Variants in KIAA0513 observed in about 807,000 individuals in gnomAD.
The protein encoded by KIAA0513 is KIAA0513.
In KIAA0513, 39 loss-of-function variants were observed where a neutral mutation model predicts 56.5. That is an observed-to-expected ratio of 0.69 (90% CI 0.53 to 0.90). The LOEUF (loss-of-function observed/expected upper bound fraction) is 0.90, where lower values mean the gene tolerates loss of function less well. Ranked by LOEUF, KIAA0513 falls within the 40% of genes least tolerant of loss-of-function variation. The probability of loss-of-function intolerance (pLI) is 0.00; values close to 1 mark genes in which losing one functional copy is unlikely to be tolerated. For missense variants in KIAA0513, 591 were observed against 535.2 expected (o/e 1.10, Z -1.03); for synonymous variants, 268 against 215.6 (o/e 1.24, Z -2.13).
chr16:85,062,942 G>A (rs967759509), intron 1 of KIAA0513, among the ~76,000 whole-genome samples: 1 of 152,118 alleles, frequency 6.6e-6, no homozygotes, highest in Non-Finnish European at 1.5e-5. Context: ...TGCTTCCCTT[G>A]CCATGACTAC....
In KIAA0513 at chr16:85,071,765, CTT is replaced by C. The variant is rs546709644; in HGVS notation, c.330-4_330-3del. 8.4e-3 allele frequency: 9,839 copies of C among 1,177,096 alleles called. No individual in the cohort carries two copies. The highest frequency in any genetic ancestry group is 8.9e-3 in the Non-Finnish European group (7,707 of 866,298). 72.9% of individuals were successfully genotyped at this position (1,177,096 alleles called of 1,614,324 possible). Reference sequence around the variant, plus strand: ...GGGTTTTTTTTTTTTTTCCTCTGCTCTTTTTTTTTTTTTTTAGGGAGGACTTG... The same window carrying C: ...GGGTTTTTTTTTTTTTTCCTCTGCTCTTTTTTTTTTTTTAGGGAGGACTTG... On this transcript the variant is annotated splice_polypyrimidine_tract_variant and intron_variant, in intron 2 of 12. Transcript: ENST00000683363.
At chr16:85,075,624 G>T (rs1250989933) in intron 4 of KIAA0513, among the ~76,000 whole-genome samples, 7 of 152,182 alleles carry the variant, frequency 4.6e-5, no homozygotes, top group Non-Finnish European at 1.0e-4. Context: ...AAAGAAGCCG[G>T]GCAGGCAGAC....
At chr16:85,046,680 G>A (rs1263651504) in intron 1 of KIAA0513, among the ~76,000 whole-genome samples, 1 of 152,186 alleles carries the variant, frequency 6.6e-6, no homozygotes, top group Non-Finnish European at 1.5e-5. Context: ...GGTTCTCTCC[G>A]TGTTCACTGC....
At chr16:85,072,135 T>G (rs1487279502) in intron 3 of KIAA0513, among the ~76,000 whole-genome samples, 2 of 152,148 alleles carry the variant, frequency 1.3e-5, no homozygotes, top group African/African-American at 2.4e-5. Flanking sequence ...GGAGGATCGC[T>G]TGAGCCCAGG....
At chr16:85,060,086 G>C (rs1391670417) in intron 1 of KIAA0513, among the ~76,000 whole-genome samples, 1 of 152,074 alleles carries the variant, frequency 6.6e-6, no homozygotes, top group Non-Finnish European at 1.5e-5. Context: ...TCAGACTCCC[G>C]AGTAGCTAGG....
In KIAA0513 at chr16:85,033,045, A is replaced by G. The variant is rs1178837916; in HGVS notation, c.-173+5187A>G. 4.6e-5 allele frequency among the ~76,000 whole-genome samples: 7 copies of G among 152,220 alleles called. No homozygotes were observed. The East Asian group carries it at 1.4e-3, about 29-fold the overall frequency. ...CTGAATTCAATCCATAATGCCTTCC[A>G]GCATCAAGATGCAGTGATGTTTTAA... On this transcript the variant is annotated intron_variant, in intron 1 of 12. Coordinates refer to ENST00000683363, the MANE Select transcript of KIAA0513 (RefSeq NM_001388359.1).
At chr16:85,038,674 C>A (rs1392038140) in intron 1 of KIAA0513, among the ~76,000 whole-genome samples, 1 of 145,106 alleles carries the variant, frequency 6.9e-6, no homozygotes, top group Non-Finnish European at 1.5e-5. Context: ...TGCCACTGCA[C>A]TCCAGCCTGG....
At chr16:85,077,193 C>G (rs2073668344) in intron 5 of KIAA0513, among the ~76,000 whole-genome samples, 1 of 152,164 alleles carries the variant, frequency 6.6e-6, no homozygotes, top group African/African-American at 2.4e-5. Context: ...CCTCCCTGCT[C>G]CTAGTGGCTT....
At chr16:85,069,946 C>T (rs568051167) in intron 2 of KIAA0513, among the ~76,000 whole-genome samples, 5 of 151,920 alleles carry the variant, frequency 3.3e-5, no homozygotes, top group African/African-American at 1.2e-4. Flanking sequence ...GGGCAGGTCG[C>T]TTGAGCCCAG....
At chr16:85,079,382 G>A (rs1597641579) in intron 8 of KIAA0513, 1 of 219,426 alleles carries the variant, frequency 4.6e-6, no homozygotes, top group Non-Finnish European at 9.3e-6. Flanking sequence ...CCCCGAGGTG[G>A]AAACCACCTT....
At chr16:85,086,503 T>C (rs1247409193) in intron 10 of KIAA0513, 141 bp from the exon 11 acceptor site, 2 of 771,762 alleles carry the variant, frequency 2.6e-6, no homozygotes, top group Non-Finnish European at 4.5e-6. Flanking sequence ...CACACGGCTC[T>C]CCGGTGGAAG....
In KIAA0513 at chr16:85,093,250, A is replaced by T. The variant is rs1434514230; in HGVS notation, c.*4925A>T. On this transcript the variant is annotated 3_prime_UTR_variant, in exon 13 of 13. Transcript: ENST00000683363. The stretch of plus-strand genomic sequence containing the variant: ...GATTTCAGTGGGACAGCGCTCCCAC[A>T]GGGGCTGGGGGTGGGGGTGGGGTTT... 3.1e-5 allele frequency: 2 copies of T among 64,924 alleles called. No individual in the cohort carries two copies. Among genetic ancestry groups the T allele is most frequent in the East Asian group, 4.2e-4 (1 of 2,360 alleles). The allele number at this position is 64,924 out of a possible 1,614,324, so 4.0% of individuals were successfully genotyped here. A position where few individuals can be genotyped will look rare whatever the true frequency, so the allele number is the denominator to read the frequency against.
At chr16:85,058,665 A>G (rs1248433066) in intron 1 of KIAA0513, among the ~76,000 whole-genome samples, 2 of 152,020 alleles carry the variant, frequency 1.3e-5, no homozygotes, top group Non-Finnish European at 2.9e-5. Context: ...AAAAAAAAAA[A>G]AAACACACAA....
At chr16:85,055,744 C>T (rs949125751) in intron 1 of KIAA0513, among the ~76,000 whole-genome samples, 2 of 152,218 alleles carry the variant, frequency 1.3e-5, no homozygotes, top group Non-Finnish European at 2.9e-5. Context: ...ATTTGCCCTT[C>T]TTCTCACCTC....
chr16:85,086,758 G>A lies in KIAA0513; in HGVS notation c.1091+34G>A, dbSNP rs573641999. The A allele has an allele frequency of 6.7e-4, 1,061 of 1,579,434 alleles. 12 individuals carry two copies. The African/African-American group carries it at 0.012, about 18-fold the overall frequency. On this transcript the variant is annotated intron_variant, in intron 11 of 12. Transcript: ENST00000683363. ...CAGAGTGGGAAAGCGGGAGGGGAGA[G>A]GGGGGAGGGCCCACCCTGTGAGCTG...
chr16:85,053,774 A>G (rs1450141586), intron 1 of KIAA0513, among the ~76,000 whole-genome samples: 1 of 152,090 alleles, frequency 6.6e-6, no homozygotes, highest in Non-Finnish European at 1.5e-5. Flanking sequence ...GGCGCGGATC[A>G]CAAGGTCAAA....
intron 1 of KIAA0513, among the ~76,000 whole-genome samples, chr16:85,039,565 A>C (rs1041345667): frequency 1.3e-5 from 2 of 152,186 alleles, no homozygotes; most frequent in Non-Finnish European, 2.9e-5. Context: ...CAGCCTCCTG[A>C]GTAACTGGGA....
intron 1 of KIAA0513, among the ~76,000 whole-genome samples, chr16:85,048,255 A>C (rs1302084424): frequency 6.6e-6 from 1 of 151,646 alleles, no homozygotes; most frequent in Non-Finnish European, 1.5e-5. Context: ...CTCTGCACCC[A>C]CCCCGCCTTC....
intron 6 of KIAA0513, 75 bp from the exon 7 acceptor site, chr16:85,078,340 T>G: frequency 6.5e-7 from 1 of 1,531,556 alleles, no homozygotes; most frequent in Admixed American, 1.7e-5. Context: ...ACCTTAGAAG[T>G]GTAGAACAGC....
Sources: allele counts gnomAD v4.1 joint callset (sites outside exome capture counted in the v4.1 genomes callset), GRCh38; gene constraint gnomAD v4.1.1; transcripts MANE v1.5; gene names NCBI Gene and HGNC (gene_info 2026-07-23, HGNC 2026-07-21).